The following TNRC6A variants were observed in gnomAD, a reference collection of about 807,000 sequenced individuals.
TNRC6A encodes the protein trinucleotide repeat containing adaptor 6A.
A neutral mutation model predicts 221.2 loss-of-function variants in TNRC6A; 44 were observed. The ratio of observed to expected loss-of-function variants is 0.20; its 90% CI spans 0.16 to 0.26. The LOEUF (loss-of-function observed/expected upper bound fraction) is 0.26. Ranked by LOEUF, TNRC6A falls within the 10% of genes least tolerant of loss-of-function variation. The pLI, the probability that TNRC6A is intolerant of heterozygous loss-of-function variation, is 1.00. For missense variants in TNRC6A, 2,199 were observed against 2,404.4 expected (o/e 0.91, Z 1.79); for synonymous variants, 847 against 838.5 (o/e 1.01, Z -0.18).
Position 24,823,274 on chromosome 16 carries a change from C to T in TNRC6A, c.5514-158C>T, listed in dbSNP as rs992995763. 6.6e-6 allele frequency among the ~76,000 whole-genome samples: 1 copy of T among 152,180 alleles called. No individual in the cohort carries two copies. The highest frequency in any genetic ancestry group is 2.4e-5 in the African/African-American group (1 of 41,446). On this transcript the variant is annotated intron_variant, in intron 24 of 24. Transcript: ENST00000395799. The surrounding 1 kb of genome is among the most constrained non-coding windows in gnomAD (Gnocchi z 4.3). ...GGCCCTGGAGAGCTGTGGGTGCACACTCGGGTGAAGGGAGGGCACGCAGGT... is the reference window on the plus strand; with the variant it reads ...GGCCCTGGAGAGCTGTGGGTGCACATTCGGGTGAAGGGAGGGCACGCAGGT...
At chr16:24,730,046 G>T (rs1388487226) in intron 1 of TNRC6A, among the ~76,000 whole-genome samples, 200 bp downstream of exon 1, 5 of 148,462 alleles carry the variant, frequency 3.4e-5, no homozygotes, top group African/African-American at 1.2e-4. Flanking sequence ...CGCCGCGGGG[G>T]CCAGGCCGGG....
intron 2 of TNRC6A, among the ~76,000 whole-genome samples, chr16:24,748,874 C>A (rs36019743): frequency 0.24 from 36,246 of 151,882 alleles, 4,841 homozygotes; most frequent in Non-Finnish European, 0.31. Context: ...TCTTTTTCTG[C>A]CTGATATTCC....
chr16:24,820,287 C>G lies in TNRC6A; in HGVS notation c.5229C>G (p.Pro1743=), dbSNP rs1432794012. Residue 1743 remains proline, a synonymous_variant, in exon 22 of 25, where the codon CCC becomes CCG. Transcript: ENST00000395799. ...CGGGACTGACTGGTCAGAAGCCACC[C>G]TTGTCTACGTGGGATAATTCTCCCC... ...PPPGLTGQKP[P]LSTWDNSPLR... 1.2e-6 allele frequency: 2 copies of G among 1,614,138 alleles called. No homozygotes were observed. The highest frequency in any genetic ancestry group is 3.3e-4 in the Middle Eastern group (2 of 6,062).
intron 1 of TNRC6A, among the ~76,000 whole-genome samples, chr16:24,640,021 TCTAA>T (rs1235145914): frequency 1.3e-5 from 2 of 152,126 alleles, no homozygotes; most frequent in Admixed American, 1.3e-4. Context: ...TAATTTATGG[TCTAA>T]CTGAGAAGAG....
chr16:24,712,583 C>T (rs1382794266), intron 2 of TNRC6A, among the ~76,000 whole-genome samples: 2 of 152,126 alleles, frequency 1.3e-5, no homozygotes, highest in East Asian at 3.8e-4. Context: ...TTCATATTTA[C>T]CTGTGTAGAT....
At chr16:24,804,426 C>T in intron 12 of TNRC6A, 107 bp downstream of exon 12, 1 of 1,309,146 alleles carries the variant, frequency 7.6e-7, no homozygotes, top group Middle Eastern at 2.4e-4. Flanking sequence ...GTGTTACAAT[C>T]CACTACCAAA....
At chr16:24,808,546 TG>T (rs1187918650) in intron 17 of TNRC6A, among the ~76,000 whole-genome samples, 1 of 152,202 alleles carries the variant, frequency 6.6e-6, no homozygotes, top group Non-Finnish European at 1.5e-5. Context: ...AGAAAAAAAT[TG>T]TCAACTCCTG....
intron 2 of TNRC6A, among the ~76,000 whole-genome samples, chr16:24,665,468 G>A (rs1171475544): frequency 1.3e-5 from 2 of 152,122 alleles, no homozygotes; most frequent in Admixed American, 6.6e-5. Context: ...TTAACTCATT[G>A]GGTGAATCTA....
intron 14 of TNRC6A, 100 bp from the exon 15 acceptor site, chr16:24,805,505 C>G: frequency 6.7e-7 from 1 of 1,499,326 alleles, no homozygotes; most frequent in Middle Eastern, 1.8e-4. Flanking sequence ...ATGAATAGTC[C>G]ACAAATTTAA....
At chr16:24,760,537 CCTT>C (rs2057341280) in intron 4 of TNRC6A, among the ~76,000 whole-genome samples, 1 of 152,148 alleles carries the variant, frequency 6.6e-6, no homozygotes, top group Non-Finnish European at 1.5e-5. Flanking sequence ...CTCATGTCAT[CCTT>C]CTTTTCACGC....
At chr16:24,640,720 A>C (rs999078814) in intron 1 of TNRC6A, among the ~76,000 whole-genome samples, 3 of 152,034 alleles carry the variant, frequency 2.0e-5, no homozygotes, top group African/African-American at 7.2e-5. Flanking sequence ...CAAAAAAAAA[A>C]AAAAGAAAGA....
In TNRC6A at chr16:24,614,556, A is replaced by T. The variant is rs1567298895; in HGVS notation, n.276+4072A>T. ...TGGAACAAGCACGGGTCTGTTTTGGATATGGATTAGAAGGTGGGTGTGGTG... is the reference window on the plus strand; with the variant it reads ...TGGAACAAGCACGGGTCTGTTTTGGTTATGGATTAGAAGGTGGGTGTGGTG... On this transcript the variant is annotated intron_variant and non_coding_transcript_variant, in intron 1 of 2. Transcript: ENST00000566108. Among the ~76,000 whole-genome samples, 3 of 152,234 alleles carry T rather than the reference A, an allele frequency of 2.0e-5. 1 individual carries two copies. The South Asian group carries it at 6.2e-4, about 32-fold the overall frequency.
Position 24,822,071 on chromosome 16 carries a change from G to A in TNRC6A, c.5303-6G>A, listed in dbSNP as rs966136432. 1 of 1,611,174 alleles carries A rather than the reference G, an allele frequency of 6.2e-7. No individual in the cohort carries two copies. The highest frequency in any genetic ancestry group is 8.5e-7 in the Non-Finnish European group (1 of 1,179,164). Reference sequence around the variant, plus strand: ...AAACTGACTTGTCCTTTTTTTCCTTGTTTAGGTTCCAGCTGGGGTGAGAGC... The same window carrying A: ...AAACTGACTTGTCCTTTTTTTCCTTATTTAGGTTCCAGCTGGGGTGAGAGC... On this transcript the variant is annotated splice_polypyrimidine_tract_variant and splice_region_variant and intron_variant, in intron 22 of 24. Transcript: ENST00000395799.
At chr16:24,707,411 G>C (rs1400642365) in intron 2 of TNRC6A, among the ~76,000 whole-genome samples, 1 of 151,540 alleles carries the variant, frequency 6.6e-6, no homozygotes, top group African/African-American at 2.4e-5. Context: ...TTCTAAGCCA[G>C]ACACAAAACT....
At chr16:24,675,730 A>C (rs1359930001) in intron 2 of TNRC6A, among the ~76,000 whole-genome samples, 90 of 135,654 alleles carry the variant, frequency 6.6e-4, no homozygotes, top group African/African-American at 2.4e-3. Flanking sequence ...ATATATATAT[A>C]TATATATATA....
At chr16:24,699,998 T>C (rs8048559) in intron 2 of TNRC6A, among the ~76,000 whole-genome samples, 114,325 of 152,012 alleles carry the variant, frequency 0.75, 43,331 homozygotes, top group African/African-American at 0.84. Context: ...CCTTCCACCA[T>C]GCTTGATTCT....
chr16:24,773,121 T>G (rs2057647420), intron 4 of TNRC6A, among the ~76,000 whole-genome samples: 2 of 152,248 alleles, frequency 1.3e-5, no homozygotes, highest in Admixed American at 6.5e-5. Context: ...ATTTACTAAT[T>G]CCGTCTTTCT....
Position 24,696,228 on chromosome 16 carries a change from G to A in TNRC6A, n.403-54498G>A, listed in dbSNP as rs2055856395. ...CTGGGCGTGGTGGCGGGCGCCTGTAGTCCCAGCTACTCGGGAGGCTGAGGC... is the reference window on the plus strand; with the variant it reads ...CTGGGCGTGGTGGCGGGCGCCTGTAATCCCAGCTACTCGGGAGGCTGAGGC... On this transcript the variant is annotated intron_variant and non_coding_transcript_variant, in intron 2 of 2. Coordinates refer to the TNRC6A transcript ENST00000566108. 2.0e-5 allele frequency among the ~76,000 whole-genome samples: 3 copies of A among 151,736 alleles called. No individual in the cohort carries two copies. In the South Asian group the frequency reaches 6.2e-4, roughly 32 times the overall value.
intron 2 of TNRC6A, among the ~76,000 whole-genome samples, chr16:24,641,965 G>A (rs771267371): frequency 1.3e-5 from 2 of 152,160 alleles, no homozygotes; most frequent in Admixed American, 6.6e-5. Context: ...CAATTGACAC[G>A]GTATTAATCA....
Sources: allele counts gnomAD v4.1 joint callset (sites outside exome capture counted in the v4.1 genomes callset), GRCh38; gene constraint gnomAD v4.1.1; non-coding constraint Gnocchi (gnomAD v3.1); transcripts MANE v1.5; gene names NCBI Gene and HGNC (gene_info 2026-07-23, HGNC 2026-07-21).